Variants in RABGAP1 observed in about 807,000 individuals in gnomAD.
RABGAP1 encodes rab GTPase-activating protein 1.
Under a neutral mutation model 137.6 loss-of-function variants are expected in RABGAP1, and 23 were observed. The observed-to-expected ratio is 0.17, with a 90% confidence interval of 0.12 to 0.24. RABGAP1 has a LOEUF of 0.24. RABGAP1 is among the 10% of genes least tolerant of loss of function. RABGAP1 has a pLI of 1.00. For synonymous variants in RABGAP1, 451 were observed against 450.7 expected, an observed-to-expected ratio of 1.00 and a Z score of -0.01; for missense variants, 906 against 1,275.8, an observed-to-expected ratio of 0.71 and a Z score of 4.42.
At chr9:123,013,477 G>A (rs995546114) in intron 11 of RABGAP1, among the ~76,000 whole-genome samples, 1 of 151,938 alleles carries the variant, frequency 6.6e-6, no homozygotes, top group Admixed American at 6.6e-5. Flanking sequence ...GATTACAGGT[G>A]CCCACACCAC....
At chr9:122,974,415 C>CTTTTT (rs11331973) in intron 2 of RABGAP1, among the ~76,000 whole-genome samples, 4 of 58,218 alleles carry the variant, frequency 6.9e-5, no homozygotes, top group African/African-American at 2.8e-4. Flanking sequence ...ATGGCTTTGT[C>CTTTTT]TTTTTTTTTT....
intron 6 of RABGAP1, among the ~76,000 whole-genome samples, chr9:122,994,124 A>G (rs1272148284): frequency 2.6e-5 from 4 of 152,228 alleles, no homozygotes; most frequent in African/African-American, 9.6e-5. Context: ...CTTATTTTAT[A>G]CAATAGAAAT....
At chr9:123,042,026 G>A (rs887396632) in intron 13 of RABGAP1, among the ~76,000 whole-genome samples, 4 of 152,146 alleles carry the variant, frequency 2.6e-5, no homozygotes, top group Non-Finnish European at 4.4e-5. Flanking sequence ...TTACTCTTTG[G>A]AAAAGCTGAA....
At position 123,015,532 on chromosome 9, in the gene RABGAP1, G is replaced by T. The variant is rs1380410140; in HGVS notation, c.1550-11G>T. On this transcript the variant is annotated splice_polypyrimidine_tract_variant and intron_variant, in intron 11 of 25. Coordinates refer to ENST00000373647, the MANE Select transcript of RABGAP1 (RefSeq NM_012197.4). Reference sequence around the variant, plus strand: ...CTCTGTTACCGTTTTTGTGTGTTTTGTTTATTATAGATAATGATGAACCTC... The same window carrying T: ...CTCTGTTACCGTTTTTGTGTGTTTTTTTTATTATAGATAATGATGAACCTC... The T allele has an allele frequency of 6.3e-7, 1 of 1,576,742 alleles. No individual in the cohort carries two copies. Among genetic ancestry groups the T allele is most frequent in the South Asian group, 1.1e-5 (1 of 88,204 alleles).
intron 17 of RABGAP1, 77 bp from the exon 18 acceptor site, chr9:123,076,168 T>A: frequency 7.1e-7 from 1 of 1,405,672 alleles, no homozygotes; most frequent in South Asian, 1.3e-5. Context: ...TCTTTAAAAA[T>A]GTGGGGTATA....
chr9:122,955,587 C>A (rs1263313455), intron 1 of RABGAP1, among the ~76,000 whole-genome samples: 1 of 152,146 alleles, frequency 6.6e-6, no homozygotes, highest in Non-Finnish European at 1.5e-5. Flanking sequence ...GACCTTACTT[C>A]TCTTGGGGTT....
intron 11 of RABGAP1, among the ~76,000 whole-genome samples, chr9:123,014,658 ATTTTT>A (rs10560935): frequency 2.8e-5 from 3 of 107,230 alleles, no homozygotes. Context: ...AAGAGGTTTA[ATTTTT>A]TTTTTTTTTT....
intron 13 of RABGAP1, among the ~76,000 whole-genome samples, chr9:123,022,451 G>C (rs921417268): frequency 6.6e-6 from 1 of 152,120 alleles, no homozygotes; most frequent in Non-Finnish European, 1.5e-5. Context: ...ACCCTGGCTA[G>C]AGTGCAGTGC....
At chr9:123,076,972 A>G (rs903282204) in intron 19 of RABGAP1, 2 of 211,480 alleles carry the variant, frequency 9.5e-6, no homozygotes, top group Admixed American at 6.3e-5. Context: ...ATACTTTCCT[A>G]TATATTATAA....
At chr9:122,965,283 G>A (rs1835078282) in intron 2 of RABGAP1, among the ~76,000 whole-genome samples, 1 of 152,146 alleles carries the variant, frequency 6.6e-6, no homozygotes, top group African/African-American at 2.4e-5. Context: ...CAAATCTTTA[G>A]AGACAGAAAA....
intron 10 of RABGAP1, among the ~76,000 whole-genome samples, chr9:123,000,471 T>C (rs1394945758): frequency 6.6e-6 from 1 of 152,202 alleles, no homozygotes; most frequent in Non-Finnish European, 1.5e-5. Flanking sequence ...TGAGTCCTCA[T>C]CTTGACCTGT....
chr9:123,035,419 G>A lies in RABGAP1; in HGVS notation c.1794+14960G>A, dbSNP rs142528272. 98 of 1,613,952 alleles carry A rather than the reference G, an allele frequency of 6.1e-5. No individual in the cohort carries two copies. The highest frequency in any genetic ancestry group is 3.9e-4 in the African/African-American group (29 of 74,888). On this transcript the variant is annotated intron_variant, in intron 13 of 25. Coordinates refer to ENST00000373647, the MANE Select transcript of RABGAP1 (RefSeq NM_012197.4). The stretch of plus-strand genomic sequence containing the variant: ...CTCCACTGGCCACAGCAACCGCTTC[G>A]CATCCTTCTTGACCACCTGGCTTGC...
intron 2 of RABGAP1, among the ~76,000 whole-genome samples, chr9:122,967,156 A>G (rs1175376604): frequency 5.3e-5 from 8 of 152,220 alleles, no homozygotes; most frequent in Non-Finnish European, 1.5e-5. Context: ...TTTGGCTAAT[A>G]GATTGATTTA....
At chr9:123,094,943 G>T (rs991613128) in intron 21 of RABGAP1, among the ~76,000 whole-genome samples, 1 of 152,146 alleles carries the variant, frequency 6.6e-6, no homozygotes, top group Admixed American at 6.5e-5. Flanking sequence ...TATAAGATAT[G>T]TAGAGATGTT....
chr9:123,046,116 ATGTATT>A (rs1447563952), intron 13 of RABGAP1, among the ~76,000 whole-genome samples: 1 of 152,116 alleles, frequency 6.6e-6, no homozygotes, highest in African/African-American at 2.4e-5. Context: ...CTGATGTTTT[ATGTATT>A]TTGTCCTGCT....
intron 1 of RABGAP1, among the ~76,000 whole-genome samples, chr9:122,942,340 A>G (rs1833629194): frequency 6.6e-6 from 1 of 152,156 alleles, no homozygotes; most frequent in South Asian, 2.1e-4. Flanking sequence ...ATAAGGTGCT[A>G]TTTAATATGT....
Position 123,089,742 on chromosome 9 carries a change from A to G in RABGAP1, c.2425-16A>G, listed in dbSNP as rs1314020699. 1.9e-6 allele frequency: 3 copies of G among 1,596,894 alleles called. No individual in the cohort carries two copies. In the East Asian group the frequency reaches 6.8e-5, roughly 36 times the overall value. ...TTTCTAATACTTCTTAATTTACCCT[A>G]TGATTTATCCTACAGATTAGTCAGA... On this transcript the variant is annotated splice_polypyrimidine_tract_variant and intron_variant, in intron 19 of 25. Coordinates refer to ENST00000373647, the MANE Select transcript of RABGAP1 (RefSeq NM_012197.4).
At chr9:123,047,571 TAA>T (rs1265246814) in intron 13 of RABGAP1, among the ~76,000 whole-genome samples, 2 of 152,166 alleles carry the variant, frequency 1.3e-5, no homozygotes, top group African/African-American at 4.8e-5. Flanking sequence ...TTTATACTTC[TAA>T]AATAAGATAG....
chr9:122,949,567 T>A (rs924650013), intron 1 of RABGAP1, among the ~76,000 whole-genome samples: 1 of 151,194 alleles, frequency 6.6e-6, no homozygotes, highest in Non-Finnish European at 1.5e-5. Flanking sequence ...TGGTGGTGCA[T>A]GCCTGTAATC....
Sources: allele counts gnomAD v4.1 joint callset (sites outside exome capture counted in the v4.1 genomes callset), GRCh38; gene constraint gnomAD v4.1.1; transcripts MANE v1.5; gene names NCBI Gene and HGNC (gene_info 2026-07-23, HGNC 2026-07-21).